The following PRMT9 variants were observed in gnomAD, a reference collection of about 807,000 sequenced individuals.
The protein encoded by PRMT9 is protein arginine N-methyltransferase 9.
A neutral mutation model predicts 83.2 loss-of-function variants in PRMT9; 59 were observed. That is an observed-to-expected ratio of 0.71 (90% CI 0.57 to 0.88). The LOEUF is 0.88. PRMT9 is among the 40% of genes least tolerant of loss of function. The pLI is 0.00. For missense variants in PRMT9, 947 were observed against 1,021.9 expected (o/e 0.93, Z 1.00); for synonymous variants, 333 against 353.2 (o/e 0.94, Z 0.64).
rs1231617406 is a variant in PRMT9, at chr4:147,672,993, G to T, written c.709C>A (p.Leu237Ile). ...ATATGTTTTGGAATCTCTATGTCAA[G>T]TGACTTCGTATGTAAGAGTTTGATC... ...AGIKLLHTKSLDIEIPKHIPE... is the reference protein window; with the variant it reads ...AGIKLLHTKSIDIEIPKHIPE... Residue 237 changes from leucine (L) to isoleucine (I), a missense_variant, in exon 4 of 12, where the codon CTT (leucine) becomes ATT (isoleucine). By Grantham distance (5) the Leu-to-Ile change is conservative. Coordinates refer to ENST00000322396, the MANE Select transcript of PRMT9 (RefSeq NM_138364.4). 1 of 1,613,894 alleles carries T rather than the reference G, an allele frequency of 6.2e-7. No homozygotes were observed. The highest frequency in any genetic ancestry group is 2.2e-5 in the East Asian group (1 of 44,854).
In PRMT9 at chr4:147,642,838, T is replaced by G. The variant is rs1263682304; in HGVS notation, c.2148A>C (p.Gly716=). ...QTLLEENAVQ[G]TERTLGLNIA... ...TATTTAATCCAAGAGTACGTTCTGT[T>G]CCTTGAACAGCATTCTCCTCTAGGA... Residue 716 remains glycine, a synonymous_variant, in exon 10 of 12, where the codon GGA becomes GGC. Transcript: ENST00000322396. 2 of 1,614,002 alleles carry G rather than the reference T, an allele frequency of 1.2e-6. No individual in the cohort carries two copies. The highest frequency in any genetic ancestry group is 3.3e-5 in the Admixed American group (2 of 60,020).
chr4:147,671,911 T>C (rs767195991), intron 4 of PRMT9: 68 of 455,572 alleles, frequency 1.5e-4, no homozygotes, highest in Admixed American at 3.1e-4. Context: ...AAAGGCCGTG[T>C]AAAGACACAA....
chr4:147,650,599 AC>A (rs1395453125), intron 9 of PRMT9, among the ~76,000 whole-genome samples: 1 of 152,180 alleles, frequency 6.6e-6, no homozygotes, highest in Non-Finnish European at 1.5e-5. Flanking sequence ...CCATATCAAA[AC>A]CCCAAGAGTG....
At position 147,680,451 on chromosome 4, in the gene PRMT9, A is replaced by T. The variant is rs1736388999; in HGVS notation, c.210T>A (p.Leu70=). 1.9e-6 allele frequency: 3 copies of T among 1,613,994 alleles called. No individual in the cohort carries two copies. The highest frequency in any genetic ancestry group is 2.5e-6 in the Non-Finnish European group (3 of 1,179,866). Residue 70 remains leucine, a synonymous_variant, in exon 2 of 12, where the codon CTT becomes CTA. Coordinates refer to ENST00000322396, the MANE Select transcript of PRMT9 (RefSeq NM_138364.4). ...CATCAAGCTCTTCAGCCCATCTGAAAAGTGTGTACTGAAAAGTTTCCTTTA... is the reference window on the plus strand; with the variant it reads ...CATCAAGCTCTTCAGCCCATCTGAATAGTGTGTACTGAAAAGTTTCCTTTA... ...HDVKETFQYT[L]FRWAEELDAL...
In PRMT9 at chr4:147,660,932, T is replaced by C. The variant is rs751798445; in HGVS notation, c.1060A>G (p.Thr354Ala). 4 of 1,613,120 alleles carry C rather than the reference T, an allele frequency of 2.5e-6. No individual in the cohort carries two copies. The highest frequency in any genetic ancestry group is 3.3e-5 in the Admixed American group (2 of 60,020). The change falls in exon 7 of 12, where the codon ACT (threonine) becomes GCT (alanine). Residue 354 changes from threonine to alanine, a missense_variant. Coordinates refer to ENST00000322396, the MANE Select transcript of PRMT9 (RefSeq NM_138364.4). ...CCAGGAACTCGACTCATCTTTTCAG[T>C]TGTATAAGGTTCAATTGTTTCTTCA... Reference protein sequence around the residue: ...DTEETIEPYTTEKMSRVPGGY... With the variant: ...DTEETIEPYTAEKMSRVPGGY...
At chr4:147,672,077 A>G in intron 4 of PRMT9, 1 of 344,478 alleles carries the variant, frequency 2.9e-6, no homozygotes. Flanking sequence ...TGGCAGCCCA[A>G]GTGGAACAAG....
rs763351937 is a variant in PRMT9 at position 147,642,946 on chromosome 4, A to G, written c.2046-6T>C. The stretch of plus-strand genomic sequence containing the variant: ...CTCCAGATTGTAGTAAACACCTAAG[A>G]AAAAAAGTACATATTTTAAAAAGCT... On this transcript the variant is annotated splice_polypyrimidine_tract_variant and splice_region_variant and intron_variant, in intron 9 of 11. Coordinates refer to ENST00000322396, the MANE Select transcript of PRMT9 (RefSeq NM_138364.4). 2.5e-6 allele frequency: 4 copies of G among 1,613,304 alleles called. No individual in the cohort carries two copies. The highest frequency in any genetic ancestry group is 3.4e-6 in the Non-Finnish European group (4 of 1,179,432).
chr4:147,639,167 G>T, intron 10 of PRMT9, 85 bp from the exon 11 acceptor site: 1 of 1,409,942 alleles, frequency 7.1e-7, no homozygotes, highest in Non-Finnish European at 9.9e-7. Context: ...TTCCTTTTGT[G>T]GTCAGGGATT....
chr4:147,670,711 G>T lies in PRMT9; in HGVS notation c.776C>A (p.Ala259Glu). 1 of 1,612,790 alleles carries T rather than the reference G, an allele frequency of 6.2e-7. No individual in the cohort carries two copies. Among genetic ancestry groups the T allele is most frequent in the South Asian group, 1.1e-5 (1 of 91,058 alleles). ...VSLVVTETVD[A>E]GLFGEGIVES... ...CACAATTCCTTCTCCAAATAAACCT[G>T]CATCGACAGTTTCTGTTACAACTAG... The change falls in exon 5 of 12, where the codon GCA becomes GAA. Residue 259 changes from alanine to glutamate, a missense_variant. Ala to Glu is a moderately radical substitution (Grantham distance 107). Coordinates refer to ENST00000322396, the MANE Select transcript of PRMT9 (RefSeq NM_138364.4).
Position 147,638,091 on chromosome 4 carries a change from T to G in PRMT9, c.*441A>C. ...AACCTGAGATGTTTCAGATGTACAC[T>G]GAGTATTTAAAGGAAGCAAGATTGG... is the stretch of plus-strand genomic sequence containing the variant. On this transcript the variant is annotated 3_prime_UTR_variant, in exon 12 of 12. Transcript: ENST00000322396. 1 of 194,176 alleles carries G rather than the reference T, an allele frequency of 5.1e-6. No individual in the cohort carries two copies. The highest frequency in any genetic ancestry group is 1.1e-5 in the Non-Finnish European group (1 of 94,192). The allele number at this position is 194,176 out of a possible 1,614,324, so 12.0% of individuals were successfully genotyped here.
At chr4:147,656,423 G>A (rs1162566327) in intron 8 of PRMT9, among the ~76,000 whole-genome samples, 2 of 151,888 alleles carry the variant, frequency 1.3e-5, no homozygotes, top group Admixed American at 6.6e-5. Context: ...GCCCCAAGTA[G>A]CTGGGACTAC....
At chr4:147,649,489 T>C (rs1027877651) in intron 9 of PRMT9, among the ~76,000 whole-genome samples, 6 of 152,052 alleles carry the variant, frequency 3.9e-5, no homozygotes, top group South Asian at 2.1e-4. Context: ...CATGAGTGAA[T>C]AGAACTTAAG....
Position 147,654,279 on chromosome 4 carries a change from C to T in PRMT9, c.1618G>A (p.Ala540Thr), listed in dbSNP as rs1451103385. Residue 540 changes from alanine (A) to threonine (T), a missense_variant, in exon 9 of 12, where the codon GCA becomes ACA. Coordinates refer to ENST00000322396, the MANE Select transcript of PRMT9 (RefSeq NM_138364.4). ...NIPYHEGFKMAMSKVLSSLTP... is the reference protein window; with the variant it reads ...NIPYHEGFKMTMSKVLSSLTP... ...AGTGAAGACAAAACTTTGCTCATTGCCATTTTAAAGCCTTCATGATATGGG... is the reference window on the plus strand; with the variant it reads ...AGTGAAGACAAAACTTTGCTCATTGTCATTTTAAAGCCTTCATGATATGGG... 7.4e-6 allele frequency: 12 copies of T among 1,614,188 alleles called. No homozygotes were observed. Among genetic ancestry groups the T allele is most frequent in the Middle Eastern group, 1.6e-4 (1 of 6,062 alleles).
At chr4:147,669,960 C>G (rs1735620486) in intron 5 of PRMT9, among the ~76,000 whole-genome samples, 1 of 152,168 alleles carries the variant, frequency 6.6e-6, no homozygotes, top group African/African-American at 2.4e-5. Context: ...ATACTCCCTT[C>G]TGATAATTTG....
intron 2 of PRMT9, among the ~76,000 whole-genome samples, chr4:147,674,487 AAAAAT>A: frequency 6.6e-6 from 1 of 152,294 alleles, no homozygotes; most frequent in South Asian, 2.1e-4. Context: ...TGAGCAAATA[AAAAAT>A]AAAAGGAGAA....
rs1407936840 is a variant in PRMT9, at chr4:147,654,080, G to A, written c.1817C>T (p.Pro606Leu). The change falls in exon 9 of 12, where the codon CCA becomes CTA. Residue 606 changes from proline (P) to leucine (L), a missense_variant. Coordinates refer to ENST00000322396, the MANE Select transcript of PRMT9 (RefSeq NM_138364.4). The part of the protein sequence containing the change: ...VIAGTLGQVK[P>L]YSSVEKDQHR... ...CTGGTCTTTCTCCACAGAACTGTAT[G>A]GTTTAACCTGCCCAAGTGTGCCAGC... 3 of 1,614,186 alleles carry A rather than the reference G, an allele frequency of 1.9e-6. No homozygotes were observed. The highest frequency in any genetic ancestry group is 2.5e-6 in the Non-Finnish European group (3 of 1,180,024).
At chr4:147,668,471 T>C (rs761837342) in intron 6 of PRMT9, 68 bp downstream of exon 6, 3 of 964,586 alleles carry the variant, frequency 3.1e-6, no homozygotes, top group Non-Finnish European at 5.0e-6. Context: ...TTAAACCTCT[T>C]TCCTTTATAA....
chr4:147,683,731 T>TC (rs1398104439), intron 1 of PRMT9, 68 bp downstream of exon 1: 192 of 1,279,670 alleles, frequency 1.5e-4, no homozygotes, highest in East Asian at 1.8e-4. Context: ...TTTTTTTTTT[T>TC]TCTGTTTTTT....
At position 147,654,940 on chromosome 4, in the gene PRMT9, T is replaced by C. The variant is rs193185035; in HGVS notation, c.1331-374A>G. ...TAATAAAGGCTAACAACAACAAAGA[T>C]AAAATTCAGGGATAAATATCAAACC... On this transcript the variant is annotated intron_variant, in intron 8 of 11. Coordinates refer to ENST00000322396, the MANE Select transcript of PRMT9 (RefSeq NM_138364.4). Among the ~76,000 whole-genome samples, 5 of 152,280 alleles carry C rather than the reference T, an allele frequency of 3.3e-5. No homozygotes were observed. The East Asian group carries it at 9.6e-4, about 29-fold the overall frequency.
Sources: allele counts gnomAD v4.1 joint callset (sites outside exome capture counted in the v4.1 genomes callset), GRCh38; gene constraint gnomAD v4.1.1; transcripts MANE v1.5; gene names NCBI Gene and HGNC (gene_info 2026-07-23, HGNC 2026-07-21).